The following YAP1 variants were observed in gnomAD, a reference collection of about 807,000 sequenced individuals.
The protein encoded by YAP1 is transcriptional coactivator YAP1.
Under a neutral mutation model 56.9 loss-of-function variants are expected in YAP1, and 5 were observed. The observed-to-expected ratio is 0.09, with a 90% CI of 0.05 to 0.18. The LOEUF (loss-of-function observed/expected upper bound fraction) is 0.18. YAP1 is among the 10% of genes least tolerant of loss of function. YAP1 has a pLI of 1.00. For synonymous variants in YAP1, 265 were observed against 248.1 expected, an observed-to-expected ratio of 1.07 and a Z score of -0.64; for missense variants, 539 against 651.8, an observed-to-expected ratio of 0.83 and a Z score of 1.88.
At chr11:102,227,757 C>G (rs1950262773) in intron 8 of YAP1, among the ~76,000 whole-genome samples, 176 bp downstream of exon 8, 3 of 152,084 alleles carry the variant, frequency 2.0e-5, no homozygotes. Context: ...CTTGTCTTTT[C>G]CTAGTTTAAA....
Position 102,110,865 on chromosome 11 carries a change from A to AGCC in YAP1, c.24_26dup (p.Pro9dup). ...GCAGAAGCCATGGATCCCGGGCAGC[A>AGCC]GCCGCCGCCTCAACCGGCCCCCCAG... On this transcript the variant is annotated inframe_insertion, in exon 1 of 9. Coordinates refer to ENST00000282441, the MANE Select transcript of YAP1 (RefSeq NM_001130145.3). 1 of 1,414,908 alleles carries AGCC rather than the reference A, an allele frequency of 7.1e-7. No individual in the cohort carries two copies. The highest frequency in any genetic ancestry group is 9.2e-7 in the Non-Finnish European group (1 of 1,082,760). 87.6% of individuals were successfully genotyped at this position (1,414,908 alleles called of 1,614,324 possible).
intron 3 of YAP1, among the ~76,000 whole-genome samples, chr11:102,172,066 G>A (rs1946931203): frequency 1.3e-5 from 2 of 151,822 alleles, no homozygotes; most frequent in South Asian, 4.2e-4. Context: ...GGTGCCGTTT[G>A]CCTGTAATCC....
chr11:102,164,803 A>G (rs1946502653), intron 3 of YAP1, among the ~76,000 whole-genome samples: 1 of 151,810 alleles, frequency 6.6e-6, no homozygotes, highest in South Asian at 2.1e-4. Flanking sequence ...GCTCACCACA[A>G]CCTCCGCCTC....
chr11:102,201,855 T>C (rs1054306622), intron 4 of YAP1, among the ~76,000 whole-genome samples: 2 of 151,538 alleles, frequency 1.3e-5, no homozygotes, highest in Admixed American at 6.6e-5. Context: ...GTAATGTCTC[T>C]AAATACCATT....
intron 1 of YAP1, chr11:102,112,316 T>C (rs1942989201): frequency 1.2e-6 from 1 of 817,710 alleles, no homozygotes; most frequent in Non-Finnish European, 1.5e-6. Flanking sequence ...GCCAACTTGA[T>C]TCAGCATAGA....
intron 3 of YAP1, among the ~76,000 whole-genome samples, chr11:102,166,225 GGAGACCTGCT>G (rs1460197304): frequency 6.6e-6 from 1 of 152,180 alleles, no homozygotes; most frequent in African/African-American, 2.4e-5. Context: ...TTGGTCATAT[GGAGACCTGCT>G]GATCAAGTGC....
chr11:102,140,872 C>T (rs144105514), intron 2 of YAP1, among the ~76,000 whole-genome samples: 533 of 151,904 alleles, frequency 3.5e-3, no homozygotes, highest in Non-Finnish European at 5.8e-3. Context: ...TTAATCCCTA[C>T]GTTCTCTTGG....
At chr11:102,168,578 CTG>C (rs1472161434) in intron 3 of YAP1, among the ~76,000 whole-genome samples, 1 of 152,162 alleles carries the variant, frequency 6.6e-6, no homozygotes, top group Non-Finnish European at 1.5e-5. Context: ...TTATGAAAAA[CTG>C]TGAGGATTTC....
chr11:102,133,170 T>TAAACAAAC (rs72128238), intron 2 of YAP1, among the ~76,000 whole-genome samples: 16 of 151,780 alleles, frequency 1.1e-4, no homozygotes, highest in African/African-American at 3.6e-4. Flanking sequence ...AATAAATAAA[T>TAAACAAAC]AAACAAACAA....
chr11:102,194,138 A>T (rs1418405873), intron 4 of YAP1, among the ~76,000 whole-genome samples: 1 of 152,210 alleles, frequency 6.6e-6, no homozygotes, highest in East Asian at 1.9e-4. Flanking sequence ...AACTTTTTCA[A>T]GTTATATTTG....
intron 2 of YAP1, among the ~76,000 whole-genome samples, chr11:102,122,591 G>T (rs1294799263): frequency 3.9e-5 from 6 of 151,904 alleles, no homozygotes; most frequent in Non-Finnish European, 8.8e-5. Context: ...AATACTGTAA[G>T]GTTTATAAAG....
At chr11:102,198,333 G>T (rs944365499) in intron 4 of YAP1, among the ~76,000 whole-genome samples, 1 of 152,124 alleles carries the variant, frequency 6.6e-6, no homozygotes, top group Non-Finnish European at 1.5e-5. Context: ...ACTGCTTTTG[G>T]TATCTAATTC....
chr11:102,141,954 GCA>G (rs1215601153), intron 2 of YAP1, among the ~76,000 whole-genome samples: 3 of 152,180 alleles, frequency 2.0e-5, no homozygotes, highest in African/African-American at 7.2e-5. Flanking sequence ...AAGAACTTTT[GCA>G]GCTCTAAAAT....
At chr11:102,129,264 T>C (rs1004873038) in intron 2 of YAP1, among the ~76,000 whole-genome samples, 6 of 152,144 alleles carry the variant, frequency 3.9e-5, no homozygotes, top group Non-Finnish European at 8.8e-5. Flanking sequence ...TACTATCATA[T>C]GGTCAGGTAA....
chr11:102,148,269 A>G (rs1591231343), intron 2 of YAP1, among the ~76,000 whole-genome samples: 1 of 152,212 alleles, frequency 6.6e-6, no homozygotes, highest in East Asian at 1.9e-4. Context: ...TGACTTGTCT[A>G]TAAACACATG....
At chr11:102,197,923 C>T (rs909045239) in intron 4 of YAP1, among the ~76,000 whole-genome samples, 9 of 152,052 alleles carry the variant, frequency 5.9e-5, no homozygotes, top group African/African-American at 2.2e-4. Context: ...GTGGGTGCAC[C>T]GCTCTGTGCT....
chr11:102,173,639 TAAAG>T (rs1947054744), intron 3 of YAP1, among the ~76,000 whole-genome samples: 1 of 152,124 alleles, frequency 6.6e-6, no homozygotes, highest in Non-Finnish European at 1.5e-5. Context: ...GTTTTATAGA[TAAAG>T]AAAGTGAGCA....
At chr11:102,213,022 A>G (rs768837407) in intron 6 of YAP1, among the ~76,000 whole-genome samples, 115 of 152,332 alleles carry the variant, frequency 7.5e-4, no homozygotes, top group Non-Finnish European at 1.4e-3. Context: ...TTTTCTAGTC[A>G]TATCTCTGTT....
intron 4 of YAP1, among the ~76,000 whole-genome samples, chr11:102,202,673 G>T (rs1948932101): frequency 6.6e-6 from 1 of 151,934 alleles, no homozygotes; most frequent in Admixed American, 6.6e-5. Context: ...ATAATACATG[G>T]GAAGGAATGA....
Sources: gnomAD v4.1 joint callset for allele counts (sites outside exome capture counted in the v4.1 genomes callset) on GRCh38, gnomAD v4.1.1 for gene constraint, MANE v1.5 for transcripts, NCBI Gene and HGNC (gene_info 2026-07-23, HGNC 2026-07-21) for gene names.